ELMOD1: variants seen among roughly 807,000 people sequenced by gnomAD.
ELMOD1 encodes the protein ELMO domain containing 1.
Under a neutral mutation model 46.7 loss-of-function variants are expected in ELMOD1, and 21 were observed. The ratio of observed to expected loss-of-function variants is 0.45; its 90% CI spans 0.32 to 0.65. The LOEUF is 0.65. ELMOD1 is among the 30% of genes least tolerant of loss of function. The probability of loss-of-function intolerance (pLI) is 0.04; values close to 1 mark genes in which losing one functional copy is unlikely to be tolerated. For missense variants in ELMOD1, 348 were observed against 407.8 expected (o/e 0.85, Z 1.26); for synonymous variants, 122 against 138.2 (o/e 0.88, Z 0.82).
At chr11:107,619,556 T>C (rs1865913981) in intron 2 of ELMOD1, among the ~76,000 whole-genome samples, 1 of 152,162 alleles carries the variant, frequency 6.6e-6, no homozygotes, top group Non-Finnish European at 1.5e-5. Flanking sequence ...GTGATGATGG[T>C]GGTAAGGTTG....
intron 2 of ELMOD1, among the ~76,000 whole-genome samples, chr11:107,623,082 A>G (rs936669701): frequency 1.4e-4 from 22 of 152,264 alleles, no homozygotes; most frequent in African/African-American, 5.3e-4. Context: ...CCATTAACTC[A>G]TCATTTAACA....
intron 11 of ELMOD1, among the ~76,000 whole-genome samples, chr11:107,663,428 T>C (rs1866779579): frequency 2.0e-5 from 3 of 151,998 alleles, no homozygotes; most frequent in African/African-American, 7.2e-5. Flanking sequence ...CAGGATCACA[T>C]GAGGCCAGGA....
chr11:107,607,583 G>T (rs1865706858), intron 1 of ELMOD1, among the ~76,000 whole-genome samples: 1 of 152,136 alleles, frequency 6.6e-6, no homozygotes, highest in South Asian at 2.1e-4. Flanking sequence ...GCTTGAGCCT[G>T]GGGGTCCAGG....
At chr11:107,627,253 C>T (rs550324562) in intron 2 of ELMOD1, among the ~76,000 whole-genome samples, 1 of 152,038 alleles carries the variant, frequency 6.6e-6, no homozygotes, top group African/African-American at 2.4e-5. Flanking sequence ...ATTATCAGGT[C>T]CTGTTGGCCT....
At chr11:107,635,553 A>G (rs1273434630) in intron 5 of ELMOD1, 83 bp from the exon 6 acceptor site, 10 of 1,371,342 alleles carry the variant, frequency 7.3e-6, no homozygotes, top group Admixed American at 4.4e-5. Context: ...GAAAAGTTCT[A>G]TCATGCATAC....
intron 6 of ELMOD1, among the ~76,000 whole-genome samples, chr11:107,636,625 G>A (rs4754239): frequency 0.25 from 37,581 of 152,068 alleles, 4,854 homozygotes; most frequent in Middle Eastern, 0.31. Context: ...AACAGAAGGC[G>A]TAATTTCAAA....
At chr11:107,638,532 G>A (rs902083923) in intron 6 of ELMOD1, among the ~76,000 whole-genome samples, 4 of 152,100 alleles carry the variant, frequency 2.6e-5, no homozygotes, top group Non-Finnish European at 5.9e-5. Context: ...ACCACATCTT[G>A]TTCACATTTG....
intron 1 of ELMOD1, among the ~76,000 whole-genome samples, chr11:107,607,700 T>C (rs1239639870): frequency 3.3e-5 from 5 of 152,114 alleles, no homozygotes; most frequent in Non-Finnish European, 7.4e-5. Flanking sequence ...ATAGGACAAA[T>C]GGTATTGAAC....
In ELMOD1 at chr11:107,630,516, G is replaced by C. The variant is rs763261776; in HGVS notation, c.117G>C (p.Arg39=). The C allele has an allele frequency of 1.9e-6, 3 of 1,610,560 alleles. No individual in the cohort carries two copies. Among genetic ancestry groups the C allele is most frequent in the East Asian group, 2.2e-5 (1 of 44,826 alleles). The change falls in exon 3 of 12, where the codon CGG becomes CGC. Residue 39 remains arginine (R), a synonymous_variant. Coordinates refer to ENST00000265840, the MANE Select transcript of ELMOD1 (RefSeq NM_018712.4). ...RKLTGRCELQ[R]ICYNTKPGAS... ...TAACTGGAAGATGTGAACTACAACG[G>C]ATCTGTTATAATACCAAGCCGGGAG...
chr11:107,636,528 C>T (rs538629717), intron 6 of ELMOD1, among the ~76,000 whole-genome samples: 2 of 152,314 alleles, frequency 1.3e-5, no homozygotes, highest in East Asian at 3.9e-4. Flanking sequence ...TAGGGTATCT[C>T]CCTGCCTTTT....
intron 2 of ELMOD1, chr11:107,623,592 T>G (rs1865989989): frequency 6.6e-6 from 1 of 152,324 alleles, no homozygotes; most frequent in South Asian, 2.1e-4. Context: ...TCTGTCTCTG[T>G]GGGATGGTGG....
intron 1 of ELMOD1, chr11:107,592,400 G>A (rs746023060): frequency 1.3e-5 from 7 of 534,432 alleles, no homozygotes; most frequent in Admixed American, 1.2e-4. Context: ...CCAATTTTGG[G>A]CAGGCATCCA....
Position 107,666,629 on chromosome 11 carries a change from G to A in ELMOD1, c.*1432G>A, listed in dbSNP as rs564037139. ...AGTCTGTTGAATAGTATTTACCATG[G>A]CATTTCATACCCATGGTATTTTATA... On this transcript the variant is annotated 3_prime_UTR_variant, in exon 12 of 12. Coordinates refer to ENST00000265840, the MANE Select transcript of ELMOD1 (RefSeq NM_018712.4). 1.3e-5 allele frequency: 2 copies of A among 152,456 alleles called. No individual in the cohort carries two copies. Among genetic ancestry groups the A allele is most frequent in the Non-Finnish European group, 2.9e-5 (2 of 67,984 alleles). The allele number at this position is 152,456 out of a possible 1,614,324, so 9.4% of individuals were successfully genotyped here.
chr11:107,646,280 G>T (rs966469645), intron 6 of ELMOD1, among the ~76,000 whole-genome samples: 1 of 152,142 alleles, frequency 6.6e-6, no homozygotes, highest in African/African-American at 2.4e-5. Context: ...ATTTACAATT[G>T]TGCAGTAATG....
At chr11:107,662,252 T>G (rs1357464916) in intron 11 of ELMOD1, among the ~76,000 whole-genome samples, 7 of 152,182 alleles carry the variant, frequency 4.6e-5, no homozygotes, top group Non-Finnish European at 1.0e-4. Context: ...CAAGTGATCC[T>G]CCTGCCTCAG....
chr11:107,621,983 C>T (rs540295479), intron 2 of ELMOD1, among the ~76,000 whole-genome samples: 12 of 152,128 alleles, frequency 7.9e-5, no homozygotes, highest in Non-Finnish European at 1.8e-4. Context: ...GCCGAGATCA[C>T]GCCACTGCAC....
intron 11 of ELMOD1, among the ~76,000 whole-genome samples, chr11:107,657,414 C>T (rs2509195): frequency 0.24 from 36,555 of 151,862 alleles, 8,879 homozygotes; most frequent in African/African-American, 0.62. Flanking sequence ...GTAGTCCCAG[C>T]CACTCAAGAG....
At chr11:107,641,633 C>T (rs1866325271) in intron 6 of ELMOD1, among the ~76,000 whole-genome samples, 1 of 152,150 alleles carries the variant, frequency 6.6e-6, no homozygotes, top group Admixed American at 6.5e-5. Flanking sequence ...CATGCCTTAT[C>T]ATCATCCTCT....
intron 1 of ELMOD1, among the ~76,000 whole-genome samples, chr11:107,616,924 G>T (rs1352091603): frequency 6.6e-6 from 1 of 151,994 alleles, no homozygotes; most frequent in African/African-American, 2.4e-5. Context: ...CCGAGTGTTG[G>T]GTGGGAACTA....
Sources: gnomAD v4.1 joint callset for allele counts (sites outside exome capture counted in the v4.1 genomes callset) on GRCh38, gnomAD v4.1.1 for gene constraint, MANE v1.5 for transcripts, NCBI Gene and HGNC (gene_info 2026-07-23, HGNC 2026-07-21) for gene names.